The following RABGAP1L variants were observed in gnomAD, a reference collection of about 807,000 sequenced individuals.
RABGAP1L encodes rab GTPase-activating protein 1-like.
RABGAP1L carries 63 observed loss-of-function variants against 137.7 expected under a neutral mutation model. The observed-to-expected ratio is 0.46, with a 90% CI of 0.37 to 0.56. RABGAP1L has a LOEUF of 0.56. RABGAP1L is among the 20% of genes least tolerant of loss of function. The pLI is 0.00. For missense variants in RABGAP1L, 1,095 were observed against 1,244.0 expected, an observed-to-expected ratio of 0.88 and a Z score of 1.80; for synonymous variants, 431 against 433.7, an observed-to-expected ratio of 0.99 and a Z score of 0.08.
intron 14 of RABGAP1L, among the ~76,000 whole-genome samples, chr1:174,652,468 C>T (rs545199303): frequency 4.6e-5 from 7 of 152,116 alleles, no homozygotes; most frequent in Non-Finnish European, 7.3e-5. Flanking sequence ...ATGTTGGTAA[C>T]CTTTGGATGG....
intron 5 of RABGAP1L, among the ~76,000 whole-genome samples, chr1:174,248,977 A>C (rs1672488646): frequency 6.6e-6 from 1 of 152,084 alleles, no homozygotes; most frequent in Non-Finnish European, 1.5e-5. Context: ...GATTTGGAGA[A>C]TCTTTGGTGC....
chr1:174,585,321 C>A (rs1386104616), intron 13 of RABGAP1L, among the ~76,000 whole-genome samples: 1 of 152,102 alleles, frequency 6.6e-6, no homozygotes, highest in East Asian at 1.9e-4. Flanking sequence ...TTTTAGGACC[C>A]CCCACCCAAA....
intron 13 of RABGAP1L, among the ~76,000 whole-genome samples, chr1:174,411,014 T>G (rs760926727): frequency 6.6e-6 from 1 of 152,100 alleles, no homozygotes; most frequent in Non-Finnish European, 1.5e-5. Flanking sequence ...AATTGTGGGA[T>G]TGTGTTCTTG....
chr1:174,447,890 G>GCCCCCCCCCCCCCCCCC (rs11321562), intron 13 of RABGAP1L, among the ~76,000 whole-genome samples: 2 of 69,566 alleles, frequency 2.9e-5, no homozygotes, highest in African/African-American at 5.4e-5. Context: ...ACCCCTTACC[G>GCCCCCCCCCCCCCCCCC]CCCCCCCCCC....
intron 17 of RABGAP1L, among the ~76,000 whole-genome samples, chr1:174,735,635 A>G (rs946114463): frequency 3.3e-5 from 5 of 150,868 alleles, no homozygotes; most frequent in Non-Finnish European, 5.9e-5. Context: ...AAAAAAAAAA[A>G]AAAAAAGAAA....
chr1:174,625,669 C>G, intron 13 of RABGAP1L, among the ~76,000 whole-genome samples: 1 of 152,078 alleles, frequency 6.6e-6, no homozygotes, highest in East Asian at 1.9e-4. Flanking sequence ...AGAGAAGCAT[C>G]TAAAGTGATT....
intron 13 of RABGAP1L, among the ~76,000 whole-genome samples, chr1:174,599,517 G>T (rs1458422495): frequency 2.6e-5 from 4 of 152,128 alleles, no homozygotes; most frequent in Admixed American, 6.5e-5. Context: ...TTTCTTGTAG[G>T]ATAGGTCAGC....
At chr1:174,852,637 A>G (rs920948612) in intron 19 of RABGAP1L, among the ~76,000 whole-genome samples, 1 of 152,130 alleles carries the variant, frequency 6.6e-6, no homozygotes, top group Middle Eastern at 3.2e-3. Flanking sequence ...AACATAGTGA[A>G]ACCCCATCGC....
At chr1:174,509,200 A>G (rs942400149) in intron 13 of RABGAP1L, among the ~76,000 whole-genome samples, 12 of 152,312 alleles carry the variant, frequency 7.9e-5, no homozygotes, top group Admixed American at 5.9e-4. Flanking sequence ...CGTACATTCA[A>G]ATAAAATCTG....
At chr1:174,924,385 C>CAAAAAAAA (rs10688718) in intron 19 of RABGAP1L, among the ~76,000 whole-genome samples, 1 of 70,122 alleles carries the variant, frequency 1.4e-5, no homozygotes, top group African/African-American at 6.1e-5. Context: ...GACTCTGTCT[C>CAAAAAAAA]AAAAAAAAAA....
chr1:174,473,627 T>C (rs1658184453), intron 13 of RABGAP1L, among the ~76,000 whole-genome samples: 2 of 152,166 alleles, frequency 1.3e-5, no homozygotes, highest in South Asian at 4.1e-4. Flanking sequence ...CTAGGTATGG[T>C]TTGAGGTAAG....
At chr1:174,711,874 G>A (rs561551498) in intron 17 of RABGAP1L, among the ~76,000 whole-genome samples, 2 of 152,354 alleles carry the variant, frequency 1.3e-5, no homozygotes, top group East Asian at 3.9e-4. Flanking sequence ...TTCTGAGTCG[G>A]GTGGGAACTT....
chr1:174,505,060 A>G (rs1273241520), intron 13 of RABGAP1L, among the ~76,000 whole-genome samples: 1 of 152,192 alleles, frequency 6.6e-6, no homozygotes, highest in African/African-American at 2.4e-5. Context: ...ACCTGAATAG[A>G]CACTTCTCAA....
chr1:174,541,620 C>T (rs1186408349), intron 13 of RABGAP1L, among the ~76,000 whole-genome samples: 1 of 151,942 alleles, frequency 6.6e-6, no homozygotes, highest in African/African-American at 2.4e-5. Flanking sequence ...ACTAAAAATA[C>T]AAAAAATTAG....
intron 13 of RABGAP1L, among the ~76,000 whole-genome samples, chr1:174,606,172 T>G (rs1208835437): frequency 6.6e-6 from 1 of 152,252 alleles, no homozygotes; most frequent in Admixed American, 6.5e-5. Flanking sequence ...TGAAGACTCC[T>G]CATATAGTAT....
intron 15 of RABGAP1L, among the ~76,000 whole-genome samples, chr1:174,687,130 C>T (rs958560082): frequency 6.6e-6 from 1 of 151,876 alleles, no homozygotes; most frequent in South Asian, 2.1e-4. Context: ...TTGGAAACAC[C>T]CTCCCCACCC....
At chr1:174,341,619 G>A (rs867852418) in intron 11 of RABGAP1L, among the ~76,000 whole-genome samples, 16 of 152,124 alleles carry the variant, frequency 1.1e-4, no homozygotes, top group African/African-American at 3.9e-4. Flanking sequence ...AACTTTTCCT[G>A]TCCATTAAAA....
At chr1:174,787,480 T>G (rs1350017095) in intron 18 of RABGAP1L, among the ~76,000 whole-genome samples, 3 of 152,042 alleles carry the variant, frequency 2.0e-5, no homozygotes, top group Non-Finnish European at 2.9e-5. Context: ...GGAATGATGT[T>G]TTAGGCAACA....
intron 18 of RABGAP1L, among the ~76,000 whole-genome samples, chr1:174,782,778 C>A (rs1371290954): frequency 6.6e-6 from 1 of 152,118 alleles, no homozygotes; most frequent in Non-Finnish European, 1.5e-5. Flanking sequence ...AAACACGGGG[C>A]TTGTAACTCA....
Sources: allele counts gnomAD v4.1 joint callset (sites outside exome capture counted in the v4.1 genomes callset), GRCh38; gene constraint gnomAD v4.1.1; transcripts MANE v1.5; gene names NCBI Gene and HGNC (gene_info 2026-07-23, HGNC 2026-07-21).